The following CTNNA3 variants were observed in gnomAD, a reference collection of about 807,000 sequenced individuals.
CTNNA3 encodes catenin alpha-3.
CTNNA3 carries 76 observed loss-of-function variants against 95.7 expected under a neutral mutation model. The ratio of observed to expected loss-of-function variants is 0.79; its 90% confidence interval spans 0.66 to 0.96. The LOEUF (loss-of-function observed/expected upper bound fraction) is 0.96, where lower values mean the gene tolerates loss of function less well. Ranked by LOEUF, CTNNA3 falls within the 40% of genes least tolerant of loss-of-function variation. The pLI, the probability that CTNNA3 is intolerant of heterozygous loss-of-function variation, is 0.00. For synonymous variants in CTNNA3, 431 were observed against 374.4 expected (o/e 1.15, Z -1.74); for missense variants, 1,191 against 1,089.8 (o/e 1.09, Z -1.31).
chr10:66,540,647 C>G (rs1841818369), intron 10 of CTNNA3, among the ~76,000 whole-genome samples: 1 of 147,034 alleles, frequency 6.8e-6, no homozygotes, highest in Non-Finnish European at 1.5e-5. Context: ...TTCCCTTCCT[C>G]TTTCTCTTCC....
chr10:66,092,052 A>C (rs922632224), intron 14 of CTNNA3, among the ~76,000 whole-genome samples: 1 of 151,848 alleles, frequency 6.6e-6, no homozygotes, highest in Admixed American at 6.6e-5. Context: ...GTATCAATAT[A>C]AATAGTAAGC....
intron 10 of CTNNA3, among the ~76,000 whole-genome samples, chr10:66,615,129 C>T (rs554886715): frequency 6.6e-6 from 1 of 151,910 alleles, no homozygotes; most frequent in Non-Finnish European, 1.5e-5. Context: ...ACTATGGGCC[C>T]AGGACTCAGC....
intron 7 of CTNNA3, among the ~76,000 whole-genome samples, chr10:66,799,369 C>CA (rs748958913): frequency 4.0e-5 from 6 of 151,274 alleles, no homozygotes; most frequent in Non-Finnish European, 8.9e-5. Context: ...AATAGAGAGA[C>CA]AAAATGTATG....
At chr10:66,199,758 C>A (rs187741142) in intron 13 of CTNNA3, among the ~76,000 whole-genome samples, 2,772 of 104,272 alleles carry the variant, frequency 0.027, 165 homozygotes, top group African/African-American at 0.11. Context: ...TGTGCCACCA[C>A]GCCTGGCTAT....
chr10:66,844,583 T>C (rs558108690), intron 7 of CTNNA3, among the ~76,000 whole-genome samples: 1 of 152,326 alleles, frequency 6.6e-6, no homozygotes, highest in African/African-American at 2.4e-5. Context: ...CACTCAGTGA[T>C]TAGCTAGTCC....
At position 65,912,603 on chromosome 10, in the gene CTNNA3, G is replaced by A. The variant is rs1347845202; in HGVS notation, c.*7727C>T. ...GAACAAATTCTTAATGAGCTACAGA[G>A]TGACATGAGTTGAAATTAGAATAAA... On this transcript the variant is annotated 3_prime_UTR_variant, in exon 18 of 18. Transcript: ENST00000433211. 6.6e-6 allele frequency: 1 copy of A among 152,020 alleles called. No individual in the cohort carries two copies. Among genetic ancestry groups the A allele is most frequent in the Non-Finnish European group, 1.5e-5 (1 of 68,014 alleles). 9.4% of individuals were successfully genotyped at this position (152,020 alleles called of 1,614,324 possible). A position where few individuals can be genotyped will look rare whatever the true frequency, so the allele number is the denominator to read the frequency against.
At chr10:66,553,268 A>G (rs1210200051) in intron 10 of CTNNA3, among the ~76,000 whole-genome samples, 2 of 151,946 alleles carry the variant, frequency 1.3e-5, no homozygotes, top group African/African-American at 4.8e-5. Context: ...ATACATTTAT[A>G]TTTGGTGGAA....
At chr10:67,031,097 CAT>C (rs1366987337) in intron 7 of CTNNA3, among the ~76,000 whole-genome samples, 3 of 152,168 alleles carry the variant, frequency 2.0e-5, no homozygotes, top group Non-Finnish European at 4.4e-5. Flanking sequence ...TCTGTTTTCA[CAT>C]GTTTGTAAAG....
intron 7 of CTNNA3, among the ~76,000 whole-genome samples, chr10:67,073,335 A>T (rs770329101): frequency 6.6e-6 from 1 of 152,224 alleles, no homozygotes; most frequent in Non-Finnish European, 1.5e-5. Context: ...AAATTTTGAA[A>T]CCTGGAACAG....
chr10:66,576,307 T>C (rs1304087493), intron 10 of CTNNA3, among the ~76,000 whole-genome samples: 1 of 151,990 alleles, frequency 6.6e-6, no homozygotes, highest in Non-Finnish European at 1.5e-5. Flanking sequence ...TCCCAGCTGG[T>C]TTTTTAATTA....
chr10:67,726,561 A>AT (rs1564841287), intron 1 of CTNNA3, among the ~76,000 whole-genome samples: 1 of 72,588 alleles, frequency 1.4e-5, no homozygotes, highest in African/African-American at 6.0e-5. Context: ...TATATAATAT[A>AT]ATATATATTA....
chr10:66,774,339 G>A (rs753607704), intron 8 of CTNNA3, among the ~76,000 whole-genome samples: 3 of 152,132 alleles, frequency 2.0e-5, no homozygotes, highest in Non-Finnish European at 2.9e-5. Context: ...TACAGGTTCT[G>A]ACTCGGTGCC....
chr10:66,145,603 C>A (rs996849147), intron 13 of CTNNA3, among the ~76,000 whole-genome samples: 6 of 151,978 alleles, frequency 3.9e-5, no homozygotes, highest in Non-Finnish European at 5.9e-5. Context: ...AAGAGGTAAC[C>A]ACTGGTTCTC....
rs78290535 is a variant in CTNNA3 at position 66,452,122 on chromosome 10, G to A, written c.1531+68495C>T. ...AAGTGGCAGTGTAATTGCCTGATGG[G>A]TTTGTATGATAGTTACATTTCTTCT... On this transcript the variant is annotated intron_variant, in intron 11 of 17. Transcript: ENST00000433211. Among the ~76,000 whole-genome samples, 980 of 152,280 alleles carry A rather than the reference G, an allele frequency of 6.4e-3. 15 individuals carry two copies. The highest frequency in any genetic ancestry group is 0.021 in the African/African-American group (891 of 41,562).
chr10:66,755,654 G>A (rs892306496), intron 9 of CTNNA3, among the ~76,000 whole-genome samples: 1 of 152,098 alleles, frequency 6.6e-6, no homozygotes, highest in African/African-American at 2.4e-5. Flanking sequence ...ATATGACTCA[G>A]TAAATCCGCT....
intron 11 of CTNNA3, among the ~76,000 whole-genome samples, chr10:66,468,440 A>C (rs1217317390): frequency 6.6e-6 from 1 of 151,972 alleles, no homozygotes; most frequent in Non-Finnish European, 1.5e-5. Context: ...TATGTACATC[A>C]ATATAAAATT....
intron 7 of CTNNA3, among the ~76,000 whole-genome samples, chr10:67,167,093 C>A (rs890575509): frequency 6.7e-6 from 1 of 149,086 alleles, no homozygotes; most frequent in African/African-American, 2.5e-5. Context: ...GGTGACAGAA[C>A]GAGACTCCAT....
intron 16 of CTNNA3, among the ~76,000 whole-genome samples, chr10:65,972,510 T>C (rs2078124996): frequency 6.6e-6 from 1 of 152,138 alleles, no homozygotes; most frequent in African/African-American, 2.4e-5. Flanking sequence ...AAAATCATTG[T>C]ATAAAAATCA....
At chr10:67,181,458 T>C (rs539873185) in intron 6 of CTNNA3, among the ~76,000 whole-genome samples, 8 of 152,224 alleles carry the variant, frequency 5.3e-5, no homozygotes, top group African/African-American at 1.9e-4. Context: ...AAGAAAGAGA[T>C]AGTGTAGAAT....
Sources: allele counts gnomAD v4.1 joint callset (sites outside exome capture counted in the v4.1 genomes callset), GRCh38; gene constraint gnomAD v4.1.1; transcripts MANE v1.5; gene names NCBI Gene and HGNC (gene_info 2026-07-23, HGNC 2026-07-21).